The following FANCM variants were observed in gnomAD, a reference collection of about 807,000 sequenced individuals.
FANCM encodes FA complementation group M, also known as Fanconi anemia group M protein.
A neutral mutation model predicts 199.5 loss-of-function variants in FANCM; 140 were observed. The ratio of observed to expected loss-of-function variants is 0.70; its 90% confidence interval spans 0.61 to 0.81. The LOEUF is 0.81. Ranked by LOEUF, FANCM falls within the 30% of genes least tolerant of loss-of-function variation. The pLI is 0.00. For synonymous variants in FANCM, 840 were observed against 836.8 expected, an observed-to-expected ratio of 1.00 and a Z score of -0.07; for missense variants, 2,410 against 2,421.4, an observed-to-expected ratio of 1.00 and a Z score of 0.10.
chr14:45,159,834 A>G lies in FANCM; in HGVS notation c.1581+554A>G, dbSNP rs1237993438. On this transcript the variant is annotated intron_variant, in intron 9 of 22. Transcript: ENST00000267430. ...TCTAAGTGCTGTGATGTTTTGAGGG[A>G]AATTTTACATTATTGATTTTTATAA... Among the ~76,000 whole-genome samples, 9 of 152,096 alleles carry G rather than the reference A, an allele frequency of 5.9e-5. No homozygotes were observed. In the East Asian group the frequency reaches 1.5e-3, roughly 26 times the overall value.
Position 45,176,572 on chromosome 14 carries a change from A to G in FANCM, c.3818A>G (p.Asn1273Ser). The change falls in exon 14 of 23, where the codon AAT (asparagine) becomes AGT (serine). Residue 1273 changes from asparagine (N) to serine (S), a missense_variant. Coordinates refer to ENST00000267430, the MANE Select transcript of FANCM (RefSeq NM_020937.4). ...YLEIKEISDA[N>S]YVSNQALIPR... The stretch of plus-strand genomic sequence containing the variant: ...GAAATTAAGGAGATAAGTGATGCAA[A>G]TTATGTTTCGAATCAAGCACTAATA... 6.2e-7 allele frequency: 1 copy of G among 1,604,736 alleles called. No individual in the cohort carries two copies. Among genetic ancestry groups the G allele is most frequent in the Non-Finnish European group, 8.5e-7 (1 of 1,174,962 alleles).
intron 4 of FANCM, among the ~76,000 whole-genome samples, chr14:45,149,959 G>A (rs1170624089): frequency 6.6e-6 from 1 of 152,072 alleles, no homozygotes; most frequent in Non-Finnish European, 1.5e-5. Context: ...GAATTATCTG[G>A]CTCAAATGTC....
At chr14:45,148,200 A>AACACACACACACACACACACAC (rs200351777) in intron 3 of FANCM, among the ~76,000 whole-genome samples, 12 of 142,432 alleles carry the variant, frequency 8.4e-5, no homozygotes, top group Middle Eastern at 7.4e-3. Flanking sequence ...CCGTCTCAAA[A>AACACACACACACACACACACAC]ACACACACAC....
At position 45,136,059 on chromosome 14, in the gene FANCM, C is replaced by G. The variant is rs757266508; in HGVS notation, c.28C>G (p.Gln10Glu). ...GAGCGGACGGCAAAGAACGCTTTTT[C>G]AGACGTGGGGCTCAAGTATCTCCCG... MSGRQRTLFQTWGSSISRSS... is the reference protein window; with the variant it reads MSGRQRTLFETWGSSISRSS... The change falls in exon 1 of 23, where the codon CAG becomes GAG. Residue 10 changes from glutamine to glutamate, a missense_variant. By Grantham distance (29) the Gln-to-Glu change is conservative. Transcript: ENST00000267430. The G allele has an allele frequency of 1.2e-6, 2 of 1,613,778 alleles. No individual in the cohort carries two copies. Among genetic ancestry groups the G allele is most frequent in the South Asian group, 1.1e-5 (1 of 91,086 alleles).
intron 11 of FANCM, 33 bp from the exon 12 acceptor site, chr14:45,170,556 A>C: frequency 6.5e-7 from 1 of 1,531,152 alleles, no homozygotes; most frequent in Non-Finnish European, 9.0e-7. Flanking sequence ...GATTTTTAAA[A>C]AGTCTCTTTT....
chr14:45,165,775 C>T (rs369655560), intron 10 of FANCM, among the ~76,000 whole-genome samples: 65 of 152,256 alleles, frequency 4.3e-4, no homozygotes, highest in Admixed American at 1.9e-3. Flanking sequence ...CTTAACCTCT[C>T]CATTCACTTG....
intron 3 of FANCM, among the ~76,000 whole-genome samples, chr14:45,148,414 T>G (rs912348853): frequency 1.3e-5 from 2 of 152,208 alleles, no homozygotes; most frequent in Admixed American, 6.5e-5. Flanking sequence ...ACATGAAATT[T>G]AGTCCTGGAA....
chr14:45,152,327 T>C (rs572774127), intron 5 of FANCM, among the ~76,000 whole-genome samples: 53 of 152,290 alleles, frequency 3.5e-4, no homozygotes, highest in African/African-American at 1.3e-3. Flanking sequence ...TGAGCCACAG[T>C]GCCCAACCTT....
intron 2 of FANCM, chr14:45,137,515 GA>G: frequency 9.3e-6 from 4 of 430,010 alleles, no homozygotes; most frequent in Non-Finnish European, 1.7e-5. Context: ...TAGATCATGA[GA>G]GCCTAGTCAT....
intron 20 of FANCM, among the ~76,000 whole-genome samples, 160 bp from the exon 21 acceptor site, chr14:45,196,011 AG>A (rs1890034084): frequency 6.6e-6 from 1 of 152,088 alleles, no homozygotes; most frequent in Non-Finnish European, 1.5e-5. Context: ...TTGAGGTGTA[AG>A]AGTAGTGACT....
intron 3 of FANCM, among the ~76,000 whole-genome samples, chr14:45,146,275 C>T (rs1236401157): frequency 6.8e-6 from 1 of 147,702 alleles, no homozygotes; most frequent in South Asian, 2.1e-4. Context: ...GTGTTTCCTA[C>T]CTCAAAGTGC....
chr14:45,152,487 G>A (rs1886896023), intron 5 of FANCM, among the ~76,000 whole-genome samples: 1 of 152,128 alleles, frequency 6.6e-6, no homozygotes, highest in Admixed American at 6.6e-5. Context: ...ATCACAGCAA[G>A]CTTCTTATTT....
At chr14:45,155,634 A>G (rs1191241605) in intron 8 of FANCM, among the ~76,000 whole-genome samples, 175 bp downstream of exon 8, 1 of 152,190 alleles carries the variant, frequency 6.6e-6, no homozygotes. Flanking sequence ...CCCCGTCTCT[A>G]CTAAAAATGC....
intron 11 of FANCM, among the ~76,000 whole-genome samples, chr14:45,169,898 C>A (rs1216784763): frequency 6.6e-6 from 1 of 152,034 alleles, no homozygotes; most frequent in African/African-American, 2.4e-5. Context: ...CTACACTTTA[C>A]TCATTTTGCC....
rs886050502 is a variant in FANCM at position 45,181,468 on chromosome 14, G to A, written c.4261G>A (p.Glu1421Lys). 7 of 1,607,102 alleles carry A rather than the reference G, an allele frequency of 4.4e-6. No homozygotes were observed. Among genetic ancestry groups the A allele is most frequent in the East Asian group, 2.2e-5 (1 of 44,712 alleles). The change falls in exon 15 of 23, where the codon GAG becomes AAG. Residue 1421 changes from glutamate (E) to lysine (K), a missense_variant. Coordinates refer to ENST00000267430, the MANE Select transcript of FANCM (RefSeq NM_020937.4). ...LLTSNESEDD[E>K]IFRRKVKRAK... The stretch of plus-strand genomic sequence containing the variant: ...AACAAGTAACGAAAGTGAAGATGAC[G>A]AGATTTTCCGAAGAAAAGTTAAAAG...
chr14:45,140,853 CA>C (rs1885868717), intron 3 of FANCM, 144 bp downstream of exon 3: 2 of 678,210 alleles, frequency 2.9e-6, no homozygotes, highest in Non-Finnish European at 5.3e-6. Context: ...CCAGCCTGGG[CA>C]ACATGGTGAG....
At chr14:45,153,721 A>T (rs1886980217) in intron 5 of FANCM, among the ~76,000 whole-genome samples, 199 bp from the exon 6 acceptor site, 1 of 152,218 alleles carries the variant, frequency 6.6e-6, no homozygotes, top group Admixed American at 6.5e-5. Context: ...TACAAAATAC[A>T]TTGGTACCTT....
At position 45,198,696 on chromosome 14, in the gene FANCM, T is replaced by C. The variant is rs775627849; in HGVS notation, c.5769T>C (p.Thr1923=). The C allele has an allele frequency of 1.2e-5, 20 of 1,613,754 alleles. No individual in the cohort carries two copies. Among genetic ancestry groups the C allele is most frequent in the Non-Finnish European group, 1.6e-5 (19 of 1,179,670 alleles). The part of the protein sequence containing the change: ...RRTKSYDSLL[T]TLIGAGIRIL... ...CAAAGAGCTATGACAGCCTGCTGAC[T>C]ACCTTAATTGGCGCTGGAATCCGAA... The change falls in exon 22 of 23, where the codon ACT becomes ACC. Residue 1923 remains threonine (T), a synonymous_variant. Transcript: ENST00000267430.
chr14:45,194,441 A>G (rs1024324245), intron 20 of FANCM, among the ~76,000 whole-genome samples: 2 of 152,198 alleles, frequency 1.3e-5, no homozygotes, highest in African/African-American at 4.8e-5. Flanking sequence ...GAAATATATA[A>G]TTAGATACTT....
Sources: allele counts gnomAD v4.1 joint callset (sites outside exome capture counted in the v4.1 genomes callset), GRCh38; gene constraint gnomAD v4.1.1; transcripts MANE v1.5; gene names NCBI Gene and HGNC (gene_info 2026-07-23, HGNC 2026-07-21).